Variants in GPC5 observed in about 807,000 individuals in gnomAD.
The protein encoded by GPC5 is glypican-5.
In GPC5, 47 loss-of-function variants were observed where a neutral mutation model predicts 53.9. The ratio of observed to expected loss-of-function variants is 0.87; its 90% confidence interval spans 0.69 to 1.11. GPC5 has a LOEUF of 1.11. GPC5 is among the 50% of genes most tolerant of loss of function. The pLI, the probability that GPC5 is intolerant of heterozygous loss-of-function variation, is 0.00. For missense variants in GPC5, 748 were observed against 713.1 expected (o/e 1.05, Z -0.56); for synonymous variants, 286 against 263.3 (o/e 1.09, Z -0.84).
At chr13:91,695,827 C>A (rs1378034398) in intron 3 of GPC5, among the ~76,000 whole-genome samples, 1 of 152,162 alleles carries the variant, frequency 6.6e-6, no homozygotes, top group African/African-American at 2.4e-5. Flanking sequence ...AATAGGTTTT[C>A]AAGACCTTTT....
chr13:92,061,000 C>A (rs532882473), intron 6 of GPC5, among the ~76,000 whole-genome samples: 4 of 152,052 alleles, frequency 2.6e-5, no homozygotes, highest in African/African-American at 9.7e-5. Flanking sequence ...ACAATGACTG[C>A]AAAACATTAA....
At chr13:92,438,670 C>A (rs1291795617) in intron 7 of GPC5, among the ~76,000 whole-genome samples, 1 of 152,002 alleles carries the variant, frequency 6.6e-6, no homozygotes, top group East Asian at 1.9e-4. Flanking sequence ...TAGACATAAT[C>A]CAAATTGTCA....
intron 7 of GPC5, among the ~76,000 whole-genome samples, chr13:92,479,167 A>C (rs1411290618): frequency 6.6e-6 from 1 of 152,176 alleles, no homozygotes; most frequent in Admixed American, 6.6e-5. Flanking sequence ...TGGTTAAAGC[A>C]CAGGAATTAG....
At chr13:92,854,046 G>T (rs181419365) in intron 7 of GPC5, among the ~76,000 whole-genome samples, 15 of 151,900 alleles carry the variant, frequency 9.9e-5, no homozygotes, top group Admixed American at 9.2e-4. Context: ...TTGTGTTGTC[G>T]TCAAGGGCTC....
At chr13:91,593,806 T>A (rs1051749171) in intron 2 of GPC5, among the ~76,000 whole-genome samples, 2 of 152,142 alleles carry the variant, frequency 1.3e-5, no homozygotes, top group African/African-American at 4.8e-5. Flanking sequence ...TTCTAGTCTA[T>A]TATCCTATGA....
chr13:91,877,215 G>A (rs566102892), intron 5 of GPC5, among the ~76,000 whole-genome samples: 1 of 152,350 alleles, frequency 6.6e-6, no homozygotes, highest in African/African-American at 2.4e-5. Context: ...GCCCCACACA[G>A]AGTCCCTACT....
chr13:92,497,922 T>C (rs138557929), intron 7 of GPC5, among the ~76,000 whole-genome samples: 4 of 152,174 alleles, frequency 2.6e-5, no homozygotes, highest in African/African-American at 9.6e-5. Flanking sequence ...GGAATGCTTG[T>C]GATTTTTGCA....
At chr13:91,802,152 G>C (rs1201894704) in intron 5 of GPC5, among the ~76,000 whole-genome samples, 1 of 152,204 alleles carries the variant, frequency 6.6e-6, no homozygotes, top group Admixed American at 6.5e-5. Flanking sequence ...CAAGAATGAA[G>C]CTGCGGACCC....
chr13:91,986,151 C>T (rs774290007), intron 6 of GPC5, among the ~76,000 whole-genome samples: 38 of 146,290 alleles, frequency 2.6e-4, no homozygotes, highest in Non-Finnish European at 3.4e-4. Context: ...CTGCAAGCTC[C>T]GCCTCCCAGG....
At chr13:91,708,744 A>C (rs1159858503) in intron 3 of GPC5, among the ~76,000 whole-genome samples, 1 of 152,238 alleles carries the variant, frequency 6.6e-6, no homozygotes, top group East Asian at 1.9e-4. Context: ...AAATTGACTC[A>C]TGCAAATAGA....
intron 7 of GPC5, among the ~76,000 whole-genome samples, chr13:92,170,126 A>G (rs896506578): frequency 2.0e-5 from 3 of 151,934 alleles, no homozygotes; most frequent in Admixed American, 1.3e-4. Flanking sequence ...TAACATATTG[A>G]AAGAATATAT....
intron 7 of GPC5, among the ~76,000 whole-genome samples, chr13:92,158,762 T>C (rs1860872133): frequency 6.6e-6 from 1 of 152,186 alleles, no homozygotes. Flanking sequence ...AATACTATTT[T>C]AAAACTGTTT....
rs1244664878 is a variant in GPC5, at chr13:92,126,622, G to T, written c.1402-18208G>T. ...GCTCATTCATTATGTAATGTCTATGGCTTTGACAGAGACTGTGCTACCTGC... is the reference window on the plus strand; with the variant it reads ...GCTCATTCATTATGTAATGTCTATGTCTTTGACAGAGACTGTGCTACCTGC... On this transcript the variant is annotated intron_variant, in intron 6 of 7. Coordinates refer to ENST00000377067, the MANE Select transcript of GPC5 (RefSeq NM_004466.6). 1.3e-5 allele frequency among the ~76,000 whole-genome samples: 2 copies of T among 152,100 alleles called. 1 individual carries two copies. Among genetic ancestry groups the T allele is most frequent in the Non-Finnish European group, 2.9e-5 (2 of 68,018 alleles).
At chr13:92,440,517 T>C (rs1386798555) in intron 7 of GPC5, among the ~76,000 whole-genome samples, 1 of 152,208 alleles carries the variant, frequency 6.6e-6, no homozygotes, top group African/African-American at 2.4e-5. Context: ...GGCATCTAAG[T>C]AGATTCCCTG....
chr13:91,712,969 T>C (rs919189762), intron 3 of GPC5, among the ~76,000 whole-genome samples: 5 of 152,108 alleles, frequency 3.3e-5, no homozygotes, highest in Admixed American at 6.5e-5. Flanking sequence ...GGTGGGGAGA[T>C]TACCTGAGGT....
intron 7 of GPC5, among the ~76,000 whole-genome samples, chr13:92,148,526 T>C (rs753721540): frequency 9.2e-5 from 14 of 152,158 alleles, no homozygotes; most frequent in Non-Finnish European, 1.9e-4. Context: ...ATCTATACTA[T>C]GTAATTTTCA....
At chr13:92,200,214 A>G (rs1412062474) in intron 7 of GPC5, among the ~76,000 whole-genome samples, 1 of 152,212 alleles carries the variant, frequency 6.6e-6, no homozygotes, top group East Asian at 1.9e-4. Context: ...CTTTTAAAAC[A>G]TGAGTTCAGA....
intron 5 of GPC5, among the ~76,000 whole-genome samples, chr13:91,780,439 A>G (rs543457650): frequency 1.6e-4 from 25 of 151,954 alleles, no homozygotes; most frequent in East Asian, 1.9e-4. Flanking sequence ...ACTTTTTATT[A>G]TATTTTTTTA....
At chr13:92,194,102 TG>T (rs2042241767) in intron 7 of GPC5, among the ~76,000 whole-genome samples, 2 of 152,210 alleles carry the variant, frequency 1.3e-5, no homozygotes, top group African/African-American at 4.8e-5. Context: ...TCATAGTTTA[TG>T]GAGTCCATTT....
Sources: gnomAD v4.1 joint callset for allele counts (sites outside exome capture counted in the v4.1 genomes callset) on GRCh38, gnomAD v4.1.1 for gene constraint, MANE v1.5 for transcripts, NCBI Gene and HGNC (gene_info 2026-07-23, HGNC 2026-07-21) for gene names.